Variants in FAM114A1 observed in about 807,000 individuals in gnomAD.
FAM114A1 encodes family with sequence similarity 114 member A1.
A neutral mutation model predicts 64.3 loss-of-function variants in FAM114A1; 62 were observed. The observed-to-expected ratio is 0.96, with a 90% CI of 0.79 to 1.19. FAM114A1 has a LOEUF of 1.19. Among genes scored for constraint, FAM114A1 ranks in the 50% most tolerant of loss-of-function variants. The pLI, the probability that FAM114A1 is intolerant of heterozygous loss-of-function variation, is 0.00. For synonymous variants in FAM114A1, 254 were observed against 251.1 expected (o/e 1.01, Z -0.11); for missense variants, 645 against 676.3 (o/e 0.95, Z 0.51).
At position 38,931,571 on chromosome 4, in the gene FAM114A1, C is replaced by G. The variant is rs1215989991; in HGVS notation, c.1282C>G (p.Gln428Glu). 2.5e-6 allele frequency: 4 copies of G among 1,613,248 alleles called. No individual in the cohort carries two copies. Among genetic ancestry groups the G allele is most frequent in the Non-Finnish European group, 3.4e-6 (4 of 1,179,736 alleles). ...EEKEEKSQDP[Q>E]EDKKEEKKTK... ...AAAGGAAGAGAAATCTCAAGACCCT[C>G]AAGAAGACAAAAAGGAGGAAAAGAA... Residue 428 changes from glutamine (Q) to glutamate (E), a missense_variant, in exon 11 of 15, where the codon CAA (glutamine) becomes GAA (glutamate). Physicochemically the swap from Gln to Glu is conservative, Grantham distance 29. Transcript: ENST00000358869.
intron 4 of FAM114A1, among the ~76,000 whole-genome samples, chr4:38,894,500 G>GTCAGCACCATCTACTGGTTATATTTGAA (rs1716721648): frequency 6.6e-6 from 1 of 152,196 alleles, no homozygotes; most frequent in Non-Finnish European, 1.5e-5. Flanking sequence ...AAGTAGTAAT[G>GTCAGCACCATCTACTGGTTATATTTGAA]TCAGCACCAT....
At position 38,921,621 on chromosome 4, in the gene FAM114A1, A is replaced by G. The variant is rs74892523; in HGVS notation, c.946-1149A>G. Among the ~76,000 whole-genome samples the G allele has an allele frequency of 4.4e-4, 67 of 152,300 alleles. 1 individual carries two copies. The East Asian group carries it at 0.012, about 28-fold the overall frequency. ...GTTTCAAAAGAGGGGCTCTAAAGAC[A>G]GTGAGCAGGGAAGACGTCAGTCCCA... On this transcript the variant is annotated intron_variant, in intron 8 of 14. Coordinates refer to ENST00000358869, the MANE Select transcript of FAM114A1 (RefSeq NM_138389.4).
chr4:38,941,864 A>G lies in FAM114A1; in HGVS notation c.1590+843A>G, dbSNP rs1184229220. ...CAAAATTTGGAAATTACAAAAGTTCAAGAGGGCTACTGTATTAGTCCAATT... is the reference window on the plus strand; with the variant it reads ...CAAAATTTGGAAATTACAAAAGTTCGAGAGGGCTACTGTATTAGTCCAATT... On this transcript the variant is annotated intron_variant, in intron 14 of 14. Transcript: ENST00000358869. Among the ~76,000 whole-genome samples, 6 of 152,218 alleles carry G rather than the reference A, an allele frequency of 3.9e-5. No homozygotes were observed. The East Asian group carries it at 1.2e-3, about 29-fold the overall frequency.
At position 38,878,268 on chromosome 4, in the gene FAM114A1, G is replaced by A. The variant is rs746166049; in HGVS notation, c.190G>A (p.Ala64Thr). ...TGCAGCTGTGCAGGGTGCAGGGGCT[G>A]CCGCCATTGGGCCCCCTGTGCAGCC... is the stretch of plus-strand genomic sequence containing the variant. ...ENAAVQGAGA[A>T]AIGPPVQPQD... Residue 64 changes from alanine to threonine, a missense_variant, in exon 3 of 15, where the codon GCC (alanine) becomes ACC (threonine). Physicochemically the swap from Ala to Thr is moderately conservative, Grantham distance 58. Transcript: ENST00000358869. 2 of 1,614,086 alleles carry A rather than the reference G, an allele frequency of 1.2e-6. No homozygotes were observed. Among genetic ancestry groups the A allele is most frequent in the African/African-American group, 2.7e-5 (2 of 74,942 alleles).
chr4:38,891,679 T>C (rs1032197019), intron 3 of FAM114A1, 64 bp from the exon 4 acceptor site: 3 of 1,374,266 alleles, frequency 2.2e-6, no homozygotes, highest in East Asian at 2.4e-5. Flanking sequence ...TTCAAACCAA[T>C]AGGTGTTTTT....
At chr4:38,890,847 A>C (rs879549829) in intron 3 of FAM114A1, among the ~76,000 whole-genome samples, 27 of 152,362 alleles carry the variant, frequency 1.8e-4, no homozygotes, top group Non-Finnish European at 2.8e-4. Flanking sequence ...AAAAAAATGA[A>C]CAAGAATATG....
intron 3 of FAM114A1, among the ~76,000 whole-genome samples, chr4:38,886,274 C>T (rs1715793999): frequency 1.3e-5 from 2 of 151,048 alleles, no homozygotes; most frequent in Admixed American, 1.3e-4. Context: ...TGGGTTTAAG[C>T]GATTCTCCTG....
chr4:38,905,216 T>C (rs886600486), intron 4 of FAM114A1, among the ~76,000 whole-genome samples: 2 of 151,952 alleles, frequency 1.3e-5, no homozygotes, highest in African/African-American at 2.4e-5. Context: ...GGCCAACACT[T>C]AGTGAAACCT....
At chr4:38,892,314 G>A (rs1270562756) in intron 4 of FAM114A1, among the ~76,000 whole-genome samples, 1 of 152,180 alleles carries the variant, frequency 6.6e-6, no homozygotes, top group Non-Finnish European at 1.5e-5. Flanking sequence ...TGTGCTGGTA[G>A]GGAGGATACA....
In FAM114A1 at chr4:38,905,794, C is replaced by A; in HGVS notation, c.590C>A (p.Pro197Gln). 1 of 1,614,092 alleles carries A rather than the reference C, an allele frequency of 6.2e-7. No homozygotes were observed. Among genetic ancestry groups the A allele is most frequent in the East Asian group, 2.2e-5 (1 of 44,886 alleles). ...AATDQGPAES[P>Q]PTSPSSASRG... ...ACAGATCAGGGCCCTGCAGAAAGCC[C>A]ACCCACTTCCCCTTCATCAGCCTCT... is the stretch of plus-strand genomic sequence containing the variant. The change falls in exon 6 of 15, where the codon CCA becomes CAA. Residue 197 changes from proline (P) to glutamine (Q), a missense_variant. Transcript: ENST00000358869.
intron 8 of FAM114A1, among the ~76,000 whole-genome samples, chr4:38,919,683 A>G (rs745877552): frequency 7.2e-5 from 11 of 152,274 alleles, no homozygotes; most frequent in Non-Finnish European, 1.3e-4. Flanking sequence ...CATCAGCATA[A>G]GGAGAGAGAG....
intron 4 of FAM114A1, among the ~76,000 whole-genome samples, chr4:38,899,770 A>G (rs985554420): frequency 6.6e-6 from 1 of 152,210 alleles, no homozygotes; most frequent in Non-Finnish European, 1.5e-5. Flanking sequence ...TTTCCTACAC[A>G]CACACACATA....
At chr4:38,905,113 C>T (rs181212890) in intron 4 of FAM114A1, among the ~76,000 whole-genome samples, 3 of 152,034 alleles carry the variant, frequency 2.0e-5, no homozygotes, top group Non-Finnish European at 4.4e-5. Context: ...TGTACTTCTA[C>T]AGGCCAGGTG....
intron 13 of FAM114A1, among the ~76,000 whole-genome samples, chr4:38,939,810 A>AC (rs897565461): frequency 1.4e-4 from 21 of 152,208 alleles, no homozygotes; most frequent in African/African-American, 4.8e-4. Flanking sequence ...GAACTCTTAG[A>AC]CAGAGAAGAC....
intron 9 of FAM114A1, chr4:38,929,020 T>G: frequency 2.0e-6 from 1 of 512,746 alleles, no homozygotes; most frequent in Non-Finnish European, 3.6e-6. Flanking sequence ...CTGCTGGAGC[T>G]GCCAAACAGC....
At chr4:38,874,804 T>C (rs1714450237) in intron 2 of FAM114A1, among the ~76,000 whole-genome samples, 1 of 152,204 alleles carries the variant, frequency 6.6e-6, no homozygotes, top group Admixed American at 6.5e-5. Context: ...TTTATAGTTT[T>C]GGGTTTTACA....
chr4:38,875,213 C>T (rs112025140), intron 2 of FAM114A1, among the ~76,000 whole-genome samples: 2 of 152,174 alleles, frequency 1.3e-5, no homozygotes, highest in African/African-American at 4.8e-5. Context: ...CTATGAAAAA[C>T]ATCATTGGTA....
intron 9 of FAM114A1, 73 bp from the exon 10 acceptor site, chr4:38,929,169 A>G: frequency 3.4e-6 from 4 of 1,176,006 alleles, no homozygotes; most frequent in Non-Finnish European, 2.5e-6. Flanking sequence ...TGCAGGCTGT[A>G]ATGTTGGGGG....
intron 3 of FAM114A1, among the ~76,000 whole-genome samples, chr4:38,890,205 C>A (rs1190165389): frequency 2.0e-5 from 3 of 152,020 alleles, no homozygotes; most frequent in Non-Finnish European, 4.4e-5. Context: ...GAGATCAAGA[C>A]CATCCTGGCC....
Sources: allele counts gnomAD v4.1 joint callset (sites outside exome capture counted in the v4.1 genomes callset), GRCh38; gene constraint gnomAD v4.1.1; transcripts MANE v1.5; gene names NCBI Gene and HGNC (gene_info 2026-07-23, HGNC 2026-07-21).